SIK2: variants seen among roughly 807,000 people sequenced by gnomAD.
SIK2 encodes salt inducible kinase 2.
A neutral mutation model predicts 103.2 loss-of-function variants in SIK2; 29 were observed. The observed-to-expected ratio is 0.28, with a 90% CI of 0.21 to 0.38. The LOEUF is 0.38. Ranked by LOEUF, SIK2 falls within the 10% of genes least tolerant of loss-of-function variation. The pLI, the probability that SIK2 is intolerant of heterozygous loss-of-function variation, is 1.00. For synonymous variants in SIK2, 412 were observed against 446.1 expected, an observed-to-expected ratio of 0.92 and a Z score of 0.96; for missense variants, 879 against 1,171.0, an observed-to-expected ratio of 0.75 and a Z score of 3.64.
At chr11:111,615,848 A>G (rs1025489772) in intron 1 of SIK2, among the ~76,000 whole-genome samples, 1 of 152,226 alleles carries the variant, frequency 6.6e-6, no homozygotes, top group African/African-American at 2.4e-5. Flanking sequence ...AACAGAAGCT[A>G]TCTTCCGAAC....
chr11:111,671,481 G>A, intron 3 of SIK2: 1 of 268,580 alleles, frequency 3.7e-6, no homozygotes, highest in South Asian at 4.0e-5. Context: ...CTGTCTTTGT[G>A]CAATGCAAGT....
At chr11:111,616,122 C>T (rs1941802414) in intron 1 of SIK2, 121 bp from the exon 2 acceptor site, 1 of 619,464 alleles carries the variant, frequency 1.6e-6, no homozygotes, top group Non-Finnish European at 2.9e-6. Flanking sequence ...TGAATTTAAA[C>T]TGCTATCATC....
intron 3 of SIK2, among the ~76,000 whole-genome samples, chr11:111,666,682 T>C (rs949218773): frequency 1.3e-5 from 2 of 152,212 alleles, no homozygotes; most frequent in Non-Finnish European, 2.9e-5. Flanking sequence ...ATCAGATTAC[T>C]AAATTTCTGA....
intron 3 of SIK2, among the ~76,000 whole-genome samples, chr11:111,676,915 C>G (rs1194263037): frequency 1.3e-5 from 2 of 152,062 alleles, no homozygotes; most frequent in Non-Finnish European, 2.9e-5. Context: ...GAAGTGTAAC[C>G]AGATTGCATT....
intron 9 of SIK2, among the ~76,000 whole-genome samples, chr11:111,715,231 CGTTT>C (rs1943605949): frequency 6.6e-6 from 1 of 152,190 alleles, no homozygotes. Context: ...CTTTGTGGAC[CGTTT>C]TATTTATGTC....
chr11:111,633,334 A>G (rs539184215), intron 3 of SIK2, among the ~76,000 whole-genome samples: 4 of 152,202 alleles, frequency 2.6e-5, no homozygotes, highest in Non-Finnish European at 5.9e-5. Context: ...TAAAGTCTGC[A>G]TGTGTATCTT....
intron 3 of SIK2, among the ~76,000 whole-genome samples, chr11:111,662,561 C>T (rs2135872432): frequency 6.6e-6 from 1 of 152,218 alleles, no homozygotes; most frequent in Middle Eastern, 3.4e-3. Context: ...CCAGCCTGGG[C>T]AATGTGGCAA....
rs1941633280 is a variant in SIK2, at chr11:111,605,152, G to A, written c.135+2454G>A. ...TAATTTGTGTGTTTTTAGTAGAGAC[G>A]GGGTTTCACAGTGTTGGCCAGGCTG... On this transcript the variant is annotated intron_variant, in intron 1 of 14. Transcript: ENST00000304987. Among the ~76,000 whole-genome samples, 3 of 152,066 alleles carry A rather than the reference G, an allele frequency of 2.0e-5. No individual in the cohort carries two copies. In the South Asian group the frequency reaches 6.2e-4, roughly 32 times the overall value.
intron 3 of SIK2, among the ~76,000 whole-genome samples, chr11:111,638,335 A>C (rs1051621898): frequency 6.6e-6 from 1 of 152,340 alleles, no homozygotes; most frequent in East Asian, 1.9e-4. Context: ...GGTAGAAATC[A>C]GGGCACTCAC....
chr11:111,608,815 C>G (rs1732260185), intron 1 of SIK2, among the ~76,000 whole-genome samples: 1 of 152,092 alleles, frequency 6.6e-6, no homozygotes, highest in Non-Finnish European at 1.5e-5. Flanking sequence ...AATTGCCTAG[C>G]AATGGAATTC....
intron 3 of SIK2, among the ~76,000 whole-genome samples, chr11:111,668,158 T>C (rs1041341096): frequency 6.9e-6 from 1 of 145,128 alleles, no homozygotes; most frequent in African/African-American, 2.6e-5. Context: ...CTCTTCTCAG[T>C]ATGGAATAAC....
intron 1 of SIK2, among the ~76,000 whole-genome samples, chr11:111,607,641 T>C (rs1490844772): frequency 1.3e-5 from 2 of 152,224 alleles, no homozygotes; most frequent in African/African-American, 4.8e-5. Flanking sequence ...GTCTTATGTA[T>C]GATCTTTAAT....
chr11:111,720,514 A>T lies in SIK2; in HGVS notation c.1532A>T (p.Asp511Val), dbSNP rs781504260. 1 of 1,611,254 alleles carries T rather than the reference A, an allele frequency of 6.2e-7. No homozygotes were observed. Among genetic ancestry groups the T allele is most frequent in the South Asian group, 1.1e-5 (1 of 90,296 alleles). The part of the protein sequence containing the change: ...IFSMNDSPSL[D>V]SVDSEYDMGS... ...TCCATGAATGACAGCCCCTCCCTTGACAGTGTGGACTCTGAGTATGATATG... is the reference window on the plus strand; with the variant it reads ...TCCATGAATGACAGCCCCTCCCTTGTCAGTGTGGACTCTGAGTATGATATG... Residue 511 changes from aspartate to valine, a missense_variant, in exon 11 of 15, where the codon GAC (aspartate) becomes GTC (valine). This residue lies in a region of SIK2 where 222 missense variants were observed against 258.0 expected (regional missense o/e 0.86). Transcript: ENST00000304987.
intron 3 of SIK2, among the ~76,000 whole-genome samples, chr11:111,664,699 C>G (rs540835506): frequency 4.3e-5 from 6 of 139,690 alleles, no homozygotes; most frequent in East Asian, 4.8e-4. Flanking sequence ...CCACCCCCCC[C>G]ACACACACAC....
chr11:111,730,425 G>C lies in SIK2; in HGVS notation c.*6296G>C, dbSNP rs1298941624. 1 of 152,144 alleles carries C rather than the reference G, an allele frequency of 6.6e-6. No individual in the cohort carries two copies. The highest frequency in any genetic ancestry group is 1.9e-4 in the East Asian group (1 of 5,200). 9.4% of individuals were successfully genotyped at this position (152,144 alleles called of 1,614,324 possible). On this transcript the variant is annotated 3_prime_UTR_variant, in exon 15 of 15. Coordinates refer to ENST00000304987, the MANE Select transcript of SIK2 (RefSeq NM_015191.3). Reference sequence around the variant, plus strand: ...GGAGAGAAAGGTTTGCTTCACTTCGGGGACTGCAGTTTGAGAAATAAAAGG... The same window carrying C: ...GGAGAGAAAGGTTTGCTTCACTTCGCGGACTGCAGTTTGAGAAATAAAAGG...
intron 3 of SIK2, among the ~76,000 whole-genome samples, chr11:111,646,262 C>T (rs1403059472): frequency 6.6e-6 from 1 of 152,018 alleles, no homozygotes; most frequent in Non-Finnish European, 1.5e-5. Flanking sequence ...CCAGCCTGAC[C>T]AATATAGTGA....
chr11:111,659,547 T>A (rs1370044955), intron 3 of SIK2, among the ~76,000 whole-genome samples: 1 of 152,228 alleles, frequency 6.6e-6, no homozygotes, highest in Non-Finnish European at 1.5e-5. Flanking sequence ...GACACATCTG[T>A]CTATGCCTCC....
At chr11:111,647,879 AAAAG>A (rs1409852005) in intron 3 of SIK2, among the ~76,000 whole-genome samples, 1 of 152,156 alleles carries the variant, frequency 6.6e-6, no homozygotes, top group Admixed American at 6.5e-5. Flanking sequence ...AAAAAAAAGA[AAAAG>A]AAAAACCTCC....
chr11:111,625,071 A>AGGAGGTC (rs1378598149), intron 3 of SIK2, among the ~76,000 whole-genome samples: 1 of 152,176 alleles, frequency 6.6e-6, no homozygotes, highest in African/African-American at 2.4e-5. Flanking sequence ...ACAGTAGAAG[A>AGGAGGTC]GGAGGTCAGA....
Sources: gnomAD v4.1 joint callset for allele counts (sites outside exome capture counted in the v4.1 genomes callset) on GRCh38, gnomAD v4.1.1 for gene constraint, gnomAD v4.1.1 regional missense constraint, MANE v1.5 for transcripts, NCBI Gene and HGNC (gene_info 2026-07-23, HGNC 2026-07-21) for gene names.